Variants in SLC12A8 observed in about 807,000 individuals in gnomAD.
SLC12A8 encodes cation-chloride cotransporter 9.
In SLC12A8, 69 loss-of-function variants were observed where a neutral mutation model predicts 75.6. That is an observed-to-expected ratio of 0.91 (90% CI 0.75 to 1.11). The LOEUF (loss-of-function observed/expected upper bound fraction) is 1.11, where lower values mean the gene tolerates loss of function less well. SLC12A8 is among the 50% of genes most tolerant of loss of function. The pLI, the probability that SLC12A8 is intolerant of heterozygous loss-of-function variation, is 0.00. For missense variants in SLC12A8, 877 were observed against 896.7 expected, an observed-to-expected ratio of 0.98 and a Z score of 0.28; for synonymous variants, 365 against 372.8, an observed-to-expected ratio of 0.98 and a Z score of 0.24.
At chr3:125,085,964 G>A (rs545692246) in intron 13 of SLC12A8, among the ~76,000 whole-genome samples, 1 of 151,450 alleles carries the variant, frequency 6.6e-6, no homozygotes, top group Non-Finnish European at 1.5e-5. Flanking sequence ...GAGCGCAATG[G>A]TGCGATCTCA....
chr3:125,116,085 G>A (rs1939306032), intron 8 of SLC12A8, among the ~76,000 whole-genome samples: 2 of 152,232 alleles, frequency 1.3e-5, no homozygotes, highest in Non-Finnish European at 2.9e-5. Flanking sequence ...TACTGCAGCG[G>A]AGTCAGTCCC....
At chr3:125,120,563 C>G in intron 7 of SLC12A8, 36 bp downstream of exon 7, 1 of 1,514,330 alleles carries the variant, frequency 6.6e-7, no homozygotes, top group Non-Finnish European at 9.2e-7. Context: ...CTCTCCCACT[C>G]TCTAGCTCAG....
At chr3:125,190,113 C>T (rs1197920672) in intron 3 of SLC12A8, among the ~76,000 whole-genome samples, 3 of 152,200 alleles carry the variant, frequency 2.0e-5, no homozygotes, top group African/African-American at 7.2e-5. Flanking sequence ...TCAAGTCCGG[C>T]TCATGATGAG....
At chr3:125,159,344 C>G (rs11924526) in intron 5 of SLC12A8, among the ~76,000 whole-genome samples, 2,539 of 152,276 alleles carry the variant, frequency 0.017, 64 homozygotes, top group African/African-American at 0.057. Flanking sequence ...AATCCTCCCC[C>G]CTTGGTCTCC....
At chr3:125,114,321 T>C (rs1939255213) in intron 8 of SLC12A8, among the ~76,000 whole-genome samples, 1 of 152,198 alleles carries the variant, frequency 6.6e-6, no homozygotes, top group Non-Finnish European at 1.5e-5. Context: ...CCATCTTCCC[T>C]GTACAGCTTG....
At chr3:125,162,877 TCC>T in intron 5 of SLC12A8, among the ~76,000 whole-genome samples, 1 of 151,308 alleles carries the variant, frequency 6.6e-6, no homozygotes, top group Non-Finnish European at 1.5e-5. Flanking sequence ...ATACCAAGGG[TCC>T]AGCTAGGGAT....
At chr3:125,196,688 G>A (rs1240217478) in intron 2 of SLC12A8, among the ~76,000 whole-genome samples, 1 of 152,162 alleles carries the variant, frequency 6.6e-6, no homozygotes, top group African/African-American at 2.4e-5. Context: ...CAGCACTTTG[G>A]GAGACAGAAG....
At position 125,107,914 on chromosome 3, in the gene SLC12A8, TG is replaced by T; in HGVS notation, c.1271del (p.Ala424GlufsTer12). 1 of 1,614,184 alleles carries T rather than the reference TG, an allele frequency of 6.2e-7. No individual in the cohort carries two copies. Among genetic ancestry groups the T allele is most frequent in the Non-Finnish European group, 8.5e-7 (1 of 1,180,024 alleles). On this transcript the variant is annotated frameshift_variant, in exon 10 of 14. Transcript: ENST00000469902. LOFTEE classifies it high-confidence loss of function. ...PVPEPVLREG[A>X]EGLHCSEHLL... is the part of the protein sequence containing the mutation. ...GGTGCTCAGAGCAGTGGAGGCCTTCTGCGCCCTCCCTGAGCACCGGCTCAGG... is the reference window on the plus strand; with the variant it reads ...GGTGCTCAGAGCAGTGGAGGCCTTCTCGCCCTCCCTGAGCACCGGCTCAGG...
At chr3:125,116,348 A>T (rs1306239402) in intron 8 of SLC12A8, among the ~76,000 whole-genome samples, 17 of 152,212 alleles carry the variant, frequency 1.1e-4, no homozygotes, top group Admixed American at 1.1e-3. Context: ...GTCCTCTCCG[A>T]AAACTAAATC....
At chr3:125,161,680 CAA>C (rs36098782) in intron 5 of SLC12A8, among the ~76,000 whole-genome samples, 187 of 143,242 alleles carry the variant, frequency 1.3e-3, no homozygotes, top group Middle Eastern at 3.6e-3. Flanking sequence ...GTACTTTTCT[CAA>C]AAAAAAAAAA....
At chr3:125,163,895 G>A (rs1455402652) in intron 5 of SLC12A8, among the ~76,000 whole-genome samples, 1 of 152,232 alleles carries the variant, frequency 6.6e-6, no homozygotes, top group East Asian at 1.9e-4. Context: ...GGCCCTGTGG[G>A]CTGAGCTGGG....
At chr3:125,199,408 T>C (rs1457548422) in intron 2 of SLC12A8, among the ~76,000 whole-genome samples, 1 of 152,152 alleles carries the variant, frequency 6.6e-6, no homozygotes, top group East Asian at 1.9e-4. Context: ...CAAAACATTA[T>C]GAATGTATTT....
chr3:125,196,063 A>G (rs193070226), intron 2 of SLC12A8, among the ~76,000 whole-genome samples: 2 of 152,374 alleles, frequency 1.3e-5, no homozygotes, highest in South Asian at 2.1e-4. Flanking sequence ...ATCAGCCACT[A>G]TTCTATCCAT....
intron 5 of SLC12A8, among the ~76,000 whole-genome samples, chr3:125,174,487 T>A (rs1299327689): frequency 6.6e-6 from 1 of 152,186 alleles, no homozygotes; most frequent in African/African-American, 2.4e-5. Flanking sequence ...TAGGTATTTA[T>A]CCAAATGAAT....
intron 5 of SLC12A8, among the ~76,000 whole-genome samples, chr3:125,137,247 G>A (rs1933515464): frequency 6.6e-6 from 1 of 152,130 alleles, no homozygotes; most frequent in Non-Finnish European, 1.5e-5. Context: ...AAAAAATAAT[G>A]AAACGAAATC....
chr3:125,151,578 G>A (rs1046815491), intron 5 of SLC12A8: 2 of 150,808 alleles, frequency 1.3e-5, no homozygotes, highest in African/African-American at 4.9e-5. Flanking sequence ...TAGGTCTCAA[G>A]AGAAATGCTG....
intron 1 of SLC12A8, among the ~76,000 whole-genome samples, chr3:125,211,970 C>T (rs980991308): frequency 2.0e-5 from 3 of 152,076 alleles, no homozygotes; most frequent in African/African-American, 4.8e-5. Context: ...CAGGCACCCT[C>T]CCCTTCGCGC....
At chr3:125,180,654 G>A (rs544446917) in intron 4 of SLC12A8, among the ~76,000 whole-genome samples, 8 of 152,236 alleles carry the variant, frequency 5.3e-5, no homozygotes, top group Admixed American at 3.9e-4. Flanking sequence ...TCACGCCACC[G>A]CACTCCAGCC....
intron 5 of SLC12A8, among the ~76,000 whole-genome samples, chr3:125,148,615 C>T (rs968578865): frequency 1.3e-5 from 2 of 152,166 alleles, no homozygotes; most frequent in Admixed American, 6.5e-5. Flanking sequence ...CTGCCAGCTC[C>T]ACCTCTGGGT....
Sources: allele counts gnomAD v4.1 joint callset (sites outside exome capture counted in the v4.1 genomes callset), GRCh38; gene constraint gnomAD v4.1.1; transcripts MANE v1.5; gene names NCBI Gene and HGNC (gene_info 2026-07-23, HGNC 2026-07-21).